The following COLQ variants were observed in gnomAD, a reference collection of about 807,000 sequenced individuals.
The protein encoded by COLQ is acetylcholinesterase collagenic tail peptide.
COLQ carries 48 observed loss-of-function variants against 69.0 expected under a neutral mutation model. The ratio of observed to expected loss-of-function variants is 0.70; its 90% CI spans 0.55 to 0.88. The LOEUF (loss-of-function observed/expected upper bound fraction) is 0.88. Among genes scored for constraint, COLQ ranks in the 40% least tolerant of loss-of-function variants. COLQ has a pLI of 0.00. For missense variants in COLQ, 618 were observed against 594.6 expected (o/e 1.04, Z -0.41); for synonymous variants, 217 against 211.2 (o/e 1.03, Z -0.24).
In COLQ at chr3:15,453,975, C is replaced by T. The variant is rs779790449; in HGVS notation, c.1196-44G>A. On this transcript the variant is annotated intron_variant, in intron 15 of 16. Coordinates refer to ENST00000383788, the MANE Select transcript of COLQ (RefSeq NM_005677.4). ...GTGCAGTCTTGAGAAGGAGCAGAGG[C>T]GATAGGCTTGCCTCAGCTTGTAAGG... The T allele has an allele frequency of 1.9e-5, 27 of 1,404,910 alleles. No homozygotes were observed. In the Admixed American group the frequency reaches 4.3e-4, roughly 23 times the overall value. The allele number at this position is 1,404,910 out of a possible 1,614,324, so 87.0% of individuals were successfully genotyped here.
At chr3:15,518,157 G>A (rs1020068393) in intron 1 of COLQ, among the ~76,000 whole-genome samples, 14 of 152,090 alleles carry the variant, frequency 9.2e-5, no homozygotes, top group Non-Finnish European at 2.1e-4. Context: ...TGTTGGTCAG[G>A]CTGGTCTCGA....
chr3:15,456,222 A>G lies in COLQ; in HGVS notation c.1075-203T>C, dbSNP rs74530115. Among the ~76,000 whole-genome samples, 264 of 147,868 alleles carry G rather than the reference A, an allele frequency of 1.8e-3. 3 individuals are homozygous for G. The highest frequency in any genetic ancestry group is 0.016 in the East Asian group (83 of 5,170). On this transcript the variant is annotated intron_variant, in intron 14 of 16. Coordinates refer to ENST00000383788, the MANE Select transcript of COLQ (RefSeq NM_005677.4). ...GGTCAGATCAAGACAGCAACCTGGCACGCAGGGATGTGGAGACCATCTGGA... is the reference window on the plus strand; with the variant it reads ...GGTCAGATCAAGACAGCAACCTGGCGCGCAGGGATGTGGAGACCATCTGGA...
chr3:15,491,008 A>G (rs2062657549), intron 1 of COLQ, among the ~76,000 whole-genome samples: 2 of 151,726 alleles, frequency 1.3e-5, no homozygotes, highest in Admixed American at 1.3e-4. Flanking sequence ...CCAGGACCAT[A>G]TATATGTTCT....
chr3:15,457,823 C>G (rs13085575), intron 13 of COLQ, among the ~76,000 whole-genome samples: 1 of 151,884 alleles, frequency 6.6e-6, no homozygotes, highest in African/African-American at 2.4e-5. Context: ...TTCACTGTAT[C>G]GGCCAGGCTG....
intron 8 of COLQ, among the ~76,000 whole-genome samples, chr3:15,474,645 A>G (rs148823533): frequency 1.1e-4 from 17 of 152,374 alleles, no homozygotes; most frequent in African/African-American, 3.6e-4. Flanking sequence ...CACTCTGTGC[A>G]AACTGTGCTT....
At chr3:15,459,747 G>A (rs2062078690) in intron 12 of COLQ, among the ~76,000 whole-genome samples, 1 of 151,918 alleles carries the variant, frequency 6.6e-6, no homozygotes. Flanking sequence ...CCAAAGTGCT[G>A]GGATTACAGG....
chr3:15,488,718 T>C (rs979195911), intron 2 of COLQ, among the ~76,000 whole-genome samples: 1 of 152,210 alleles, frequency 6.6e-6, no homozygotes. Flanking sequence ...ATTTTAATAA[T>C]ATACTTTCTT....
chr3:15,465,467 C>T (rs186785248), intron 12 of COLQ, among the ~76,000 whole-genome samples: 1,744 of 150,938 alleles, frequency 0.012, 33 homozygotes, highest in African/African-American at 0.041. Context: ...GGGGTTTCAC[C>T]GTGTTAGCCA....
rs2062546734 is a variant in COLQ, at chr3:15,484,745, G to A, written c.321+3461C>T. On this transcript the variant is annotated intron_variant, in intron 3 of 16. Transcript: ENST00000383788. ...CTTGTGCATGTGTTGTGTAGTTCTC[G>A]TGCTGTGGTTTTCAGCTCCAACAGG... is the stretch of plus-strand genomic sequence containing the variant. Among the ~76,000 whole-genome samples the A allele has an allele frequency of 1.3e-5, 2 of 151,086 alleles. 1 individual carries two copies. The highest frequency in any genetic ancestry group is 1.3e-4 in the Admixed American group (2 of 15,180).
At chr3:15,458,459 T>A in intron 12 of COLQ, 134 bp from the exon 13 acceptor site, 1 of 952,342 alleles carries the variant, frequency 1.1e-6, no homozygotes, top group South Asian at 1.3e-5. Flanking sequence ...GAGGGAGAGG[T>A]TCAAAGAGAT....
intron 8 of COLQ, 133 bp downstream of exon 8, chr3:15,474,792 G>T: frequency 1.9e-6 from 2 of 1,075,150 alleles, no homozygotes; most frequent in Non-Finnish European, 2.9e-6. Flanking sequence ...CTGACAAAGG[G>T]TGGGGAATAG....
intron 1 of COLQ, among the ~76,000 whole-genome samples, chr3:15,508,052 TTAATG>T (rs1370353853): frequency 1.3e-5 from 2 of 152,156 alleles, no homozygotes; most frequent in African/African-American, 2.4e-5. Flanking sequence ...GTAGCAGAAT[TTAATG>T]TATAATTATT....
In COLQ at chr3:15,450,307, G is replaced by C. The variant is rs968939987; in HGVS notation, c.*1337C>G. The C allele has an allele frequency of 6.5e-6, 1 of 153,726 alleles. No homozygotes were observed. Among genetic ancestry groups the C allele is most frequent in the African/African-American group, 2.4e-5 (1 of 41,448 alleles). 9.5% of individuals were successfully genotyped at this position (153,726 alleles called of 1,614,324 possible). Reference sequence around the variant, plus strand: ...CCTCAGGTTGATGTCACCTGTGGGAGACCGGGTCCACCTACAGACACCAGG... The same window carrying C: ...CCTCAGGTTGATGTCACCTGTGGGACACCGGGTCCACCTACAGACACCAGG... On this transcript the variant is annotated 3_prime_UTR_variant, in exon 17 of 17. Coordinates refer to ENST00000383788, the MANE Select transcript of COLQ (RefSeq NM_005677.4).
chr3:15,518,116 T>C (rs1221045825), intron 1 of COLQ, among the ~76,000 whole-genome samples: 2 of 152,136 alleles, frequency 1.3e-5, no homozygotes. Flanking sequence ...CAGATAAATT[T>C]GTATTTTTAG....
intron 3 of COLQ, among the ~76,000 whole-genome samples, chr3:15,480,853 G>A (rs558367151): frequency 2.6e-5 from 4 of 152,204 alleles, no homozygotes; most frequent in Non-Finnish European, 5.9e-5. Context: ...GTTGTTTCCT[G>A]ACTTTTTAAT....
intron 11 of COLQ, among the ~76,000 whole-genome samples, chr3:15,469,536 C>T (rs535498411): frequency 1.0e-3 from 158 of 152,184 alleles, no homozygotes; most frequent in Admixed American, 2.2e-3. Flanking sequence ...AAAGTTACTG[C>T]ACAGTCTAAA....
At chr3:15,492,528 G>A (rs754220612) in intron 1 of COLQ, among the ~76,000 whole-genome samples, 7 of 152,146 alleles carry the variant, frequency 4.6e-5, no homozygotes, top group South Asian at 2.1e-4. Flanking sequence ...TTAGCCGGGC[G>A]TAGTGGTGGG....
intron 1 of COLQ, chr3:15,498,534 G>C (rs1304774696): frequency 2.6e-6 from 4 of 1,551,858 alleles, no homozygotes; most frequent in East Asian, 2.4e-5. Context: ...CCGAGTAACA[G>C]AGCAGTCCTG....
At chr3:15,461,201 C>G (rs2125094114) in intron 12 of COLQ, among the ~76,000 whole-genome samples, 1 of 149,718 alleles carries the variant, frequency 6.7e-6, no homozygotes, top group Middle Eastern at 3.5e-3. Flanking sequence ...CCCCCCCGAC[C>G]TCTTAGCCCC....
Sources: gnomAD v4.1 joint callset for allele counts (sites outside exome capture counted in the v4.1 genomes callset) on GRCh38, gnomAD v4.1.1 for gene constraint, MANE v1.5 for transcripts, NCBI Gene and HGNC (gene_info 2026-07-23, HGNC 2026-07-21) for gene names.